FRMD6: variants seen among roughly 807,000 people sequenced by gnomAD.
FRMD6 encodes FERM domain-containing protein 6.
FRMD6 carries 37 observed loss-of-function variants against 73.2 expected under a neutral mutation model. The observed-to-expected ratio is 0.51, with a 90% CI of 0.39 to 0.66. The LOEUF is 0.66. Among genes scored for constraint, FRMD6 ranks in the 30% least tolerant of loss-of-function variants. The pLI is 0.00. For synonymous variants in FRMD6, 273 were observed against 282.2 expected, an observed-to-expected ratio of 0.97 and a Z score of 0.33; for missense variants, 714 against 780.5, an observed-to-expected ratio of 0.91 and a Z score of 1.02.
At chr14:51,715,578 C>A in intron 10 of FRMD6, 79 bp downstream of exon 10, 1 of 1,243,880 alleles carries the variant, frequency 8.0e-7, no homozygotes, top group Non-Finnish European at 1.1e-6. Flanking sequence ...GGGTTTTGAG[C>A]TCCTACAGAA....
At chr14:51,499,642 T>C (rs1468856776) in intron 1 of FRMD6, among the ~76,000 whole-genome samples, 3 of 152,168 alleles carry the variant, frequency 2.0e-5, no homozygotes, top group Non-Finnish European at 4.4e-5. Flanking sequence ...CACAGCTGTC[T>C]ACATACAGGG....
At chr14:51,522,801 T>C (rs1194655994) in intron 1 of FRMD6, 3 of 152,210 alleles carry the variant, frequency 2.0e-5, no homozygotes, top group Non-Finnish European at 4.4e-5. Context: ...AATCCTACTT[T>C]GGACAAAGTT....
At chr14:51,631,843 A>G (rs1411875657) in intron 2 of FRMD6, among the ~76,000 whole-genome samples, 2 of 152,262 alleles carry the variant, frequency 1.3e-5, no homozygotes, top group Non-Finnish European at 2.9e-5. Flanking sequence ...AAAATTAGCA[A>G]AAGTGACTAC....
chr14:51,665,108 G>A (rs1013477605), intron 1 of FRMD6, among the ~76,000 whole-genome samples: 8 of 152,040 alleles, frequency 5.3e-5, no homozygotes, highest in African/African-American at 1.4e-4. Context: ...GACATGTTTT[G>A]GCTTTTAACA....
chr14:51,626,121 A>C (rs1891105073), intron 2 of FRMD6, among the ~76,000 whole-genome samples: 1 of 152,204 alleles, frequency 6.6e-6, no homozygotes, highest in Admixed American at 6.5e-5. Context: ...TGGTACATAC[A>C]CACCATAGAA....
At chr14:51,420,150 G>C in the FRMD6 span, among the ~76,000 whole-genome samples, 33,417 of 152,178 alleles carry the variant, frequency 0.22, 4,346 homozygotes, top group East Asian at 0.51. Flanking sequence ...CACAGATAAA[G>C]TAACAGATCC....
the FRMD6 span, among the ~76,000 whole-genome samples, chr14:51,399,466 A>G: frequency 2.6e-5 from 4 of 152,216 alleles, no homozygotes; most frequent in East Asian, 7.7e-4. Context: ...TCTAGATTAA[A>G]TTTGGGATAT....
At chr14:51,535,993 T>A (rs1370254266) in intron 1 of FRMD6, among the ~76,000 whole-genome samples, 1 of 150,770 alleles carries the variant, frequency 6.6e-6, no homozygotes, top group South Asian at 2.1e-4. Context: ...TCTTGTCATC[T>A]GTTTATTCTC....
chr14:51,481,598 C>G, the FRMD6 span, among the ~76,000 whole-genome samples: 2 of 152,226 alleles, frequency 1.3e-5, no homozygotes, highest in African/African-American at 2.4e-5. Flanking sequence ...GTAAAGGACA[C>G]AGACACCTCA....
intron 2 of FRMD6, among the ~76,000 whole-genome samples, chr14:51,612,662 C>T (rs575080265): frequency 1.4e-4 from 22 of 152,162 alleles, no homozygotes; most frequent in Non-Finnish European, 2.9e-4. Context: ...TGATTTTGCT[C>T]ATCATGGAAT....
At chr14:51,618,266 G>A (rs1318142469) in intron 2 of FRMD6, among the ~76,000 whole-genome samples, 1 of 152,176 alleles carries the variant, frequency 6.6e-6, no homozygotes, top group Non-Finnish European at 1.5e-5. Flanking sequence ...GGGTTCAGAG[G>A]AGGGAGAGGA....
intron 1 of FRMD6, among the ~76,000 whole-genome samples, chr14:51,566,784 T>C (rs1887798155): frequency 6.6e-6 from 1 of 152,254 alleles, no homozygotes; most frequent in Admixed American, 6.5e-5. Context: ...GTGTTGTCCA[T>C]GATAGTTTCC....
intron 1 of FRMD6, among the ~76,000 whole-genome samples, chr14:51,539,447 G>A (rs1379965175): frequency 6.6e-6 from 1 of 152,076 alleles, no homozygotes; most frequent in Non-Finnish European, 1.5e-5. Context: ...CATCTACATA[G>A]TGCCTGACAC....
intron 7 of FRMD6, among the ~76,000 whole-genome samples, chr14:51,709,016 A>G (rs1896792444): frequency 6.6e-6 from 1 of 152,064 alleles, no homozygotes; most frequent in Admixed American, 6.6e-5. Context: ...GGAATCACTC[A>G]CAGTACTCTA....
chr14:51,475,647 A>T, the FRMD6 span, among the ~76,000 whole-genome samples: 2 of 152,342 alleles, frequency 1.3e-5, no homozygotes, highest in East Asian at 1.9e-4. Context: ...CCTAACATAG[A>T]TATGCTATTA....
chr14:51,706,397 C>G (rs1472964733), intron 6 of FRMD6, among the ~76,000 whole-genome samples: 1 of 152,064 alleles, frequency 6.6e-6, no homozygotes, highest in East Asian at 1.9e-4. Flanking sequence ...CTTAAACTTT[C>G]AGGGCCTCCT....
In FRMD6 at chr14:51,578,736, G is replaced by A. The variant is rs574098145; in HGVS notation, c.-147+8326G>A. Among the ~76,000 whole-genome samples, 88 of 152,240 alleles carry A rather than the reference G, an allele frequency of 5.8e-4. 1 individual carries two copies. Among genetic ancestry groups the A allele is most frequent in the African/African-American group, 1.9e-3 (79 of 41,540 alleles). On this transcript the variant is annotated intron_variant, in intron 2 of 14. Transcript: ENST00000356218. ...ATATTATGATCCCCAATTTATAGACGAGGAAACTGAGGCTGGAAGAGGGCA... is the reference window on the plus strand; with the variant it reads ...ATATTATGATCCCCAATTTATAGACAAGGAAACTGAGGCTGGAAGAGGGCA...
chr14:51,550,290 G>A (rs1308277461), intron 1 of FRMD6, among the ~76,000 whole-genome samples: 1 of 152,068 alleles, frequency 6.6e-6, no homozygotes, highest in Non-Finnish European at 1.5e-5. Flanking sequence ...CCAGGCTGGA[G>A]TACTGGGGTG....
intron 1 of FRMD6, among the ~76,000 whole-genome samples, chr14:51,666,052 G>A (rs1893564671): frequency 6.6e-6 from 1 of 152,176 alleles, no homozygotes; most frequent in Non-Finnish European, 1.5e-5. Flanking sequence ...TCCAGTGGGT[G>A]GTAATCTATG....
Sources: allele counts gnomAD v4.1 joint callset (sites outside exome capture counted in the v4.1 genomes callset), GRCh38; gene constraint gnomAD v4.1.1; transcripts MANE v1.5; gene names NCBI Gene and HGNC (gene_info 2026-07-23, HGNC 2026-07-21).